Variants in PCDHA9 observed in about 807,000 individuals in gnomAD.
PCDHA9 encodes protocadherin alpha 9.
PCDHA9 carries 62 observed loss-of-function variants against 62.0 expected under a neutral mutation model. The ratio of observed to expected loss-of-function variants is 1.00; its 90% CI spans 0.81 to 1.23. PCDHA9 has a LOEUF of 1.23. Ranked by LOEUF, PCDHA9 falls within the 50% of genes most tolerant of loss-of-function variation. The pLI, the probability that PCDHA9 is intolerant of heterozygous loss-of-function variation, is 0.00. For missense variants in PCDHA9, 1,205 were observed against 1,249.8 expected, an observed-to-expected ratio of 0.96 and a Z score of 0.54; for synonymous variants, 557 against 567.6, an observed-to-expected ratio of 0.98 and a Z score of 0.27.
intron 1 of PCDHA9, chr5:140,877,431 C>A: frequency 1.2e-6 from 2 of 1,613,836 alleles, no homozygotes; most frequent in Non-Finnish European, 1.7e-6. Flanking sequence ...TGGTGAAGGA[C>A]CACGGTGAGC....
At chr5:140,941,381 A>G (rs2093056743) in intron 1 of PCDHA9, among the ~76,000 whole-genome samples, 1 of 128,140 alleles carries the variant, frequency 7.8e-6, no homozygotes, top group Non-Finnish European at 1.6e-5. Context: ...TAGTGACAGG[A>G]TTTTGGCTCA....
At chr5:140,878,725 A>G (rs1230048195) in intron 1 of PCDHA9, among the ~76,000 whole-genome samples, 1 of 152,252 alleles carries the variant, frequency 6.6e-6, no homozygotes, top group African/African-American at 2.4e-5. Flanking sequence ...TAAAATTTCC[A>G]GCCTTATATC....
At chr5:140,853,891 G>T in intron 1 of PCDHA9, 1 of 976,002 alleles carries the variant, frequency 1.0e-6, no homozygotes. Flanking sequence ...AATTTAAAAA[G>T]ATGTGGTGGC....
intron 3 of PCDHA9, chr5:140,989,128 G>T (rs2097330831): frequency 1.3e-5 from 2 of 152,178 alleles, no homozygotes; most frequent in Non-Finnish European, 2.9e-5. Flanking sequence ...AGAAAAATAA[G>T]ACACTTTATC....
intron 1 of PCDHA9, among the ~76,000 whole-genome samples, chr5:140,935,116 C>T (rs2090194943): frequency 6.6e-6 from 1 of 152,126 alleles, no homozygotes; most frequent in Non-Finnish European, 1.5e-5. Flanking sequence ...AGAGCTTTCA[C>T]TTATTTTTAG....
chr5:140,877,463 C>T (rs782373755), intron 1 of PCDHA9: 1 of 1,613,772 alleles, frequency 6.2e-7, no homozygotes, highest in East Asian at 2.2e-5. Flanking sequence ...TCCACGGCCA[C>T]GGTGCTGGTG....
At chr5:141,000,589 A>G (rs1234300694) in intron 3 of PCDHA9, among the ~76,000 whole-genome samples, 3 of 150,422 alleles carry the variant, frequency 2.0e-5, no homozygotes, top group Admixed American at 2.0e-4. Context: ...CACCATGCCC[A>G]GCTAATTTTT....
At chr5:140,984,566 C>T (rs899278255) in intron 3 of PCDHA9, among the ~76,000 whole-genome samples, 4 of 152,124 alleles carry the variant, frequency 2.6e-5, no homozygotes, top group Non-Finnish European at 5.9e-5. Context: ...TCCAACTACT[C>T]CATGGCAACC....
rs1379948594 is a variant in PCDHA9, at chr5:140,982,575, G to A, written c.2542+12G>A. ...CAGTGCAACACCAGGTAAAGAGCTGGGGTCTCTCCATTCTTTCTTGGTTTC... is the reference window on the plus strand; with the variant it reads ...CAGTGCAACACCAGGTAAAGAGCTGAGGTCTCTCCATTCTTTCTTGGTTTC... On this transcript the variant is annotated intron_variant, in intron 3 of 3. Coordinates refer to ENST00000532602, the MANE Select transcript of PCDHA9 (RefSeq NM_031857.2). The A allele has an allele frequency of 6.2e-7, 1 of 1,613,444 alleles. No homozygotes were observed. The highest frequency in any genetic ancestry group is 8.5e-7 in the Non-Finnish European group (1 of 1,179,518).
intron 3 of PCDHA9, among the ~76,000 whole-genome samples, chr5:140,986,987 G>A (rs1269328331): frequency 2.6e-5 from 4 of 152,114 alleles, no homozygotes; most frequent in Non-Finnish European, 4.4e-5. Flanking sequence ...GCCAAGGCAG[G>A]CAGATCACTT....
At chr5:141,003,968 G>A (rs1262948428) in intron 3 of PCDHA9, among the ~76,000 whole-genome samples, 1 of 152,148 alleles carries the variant, frequency 6.6e-6, no homozygotes, top group Non-Finnish European at 1.5e-5. Flanking sequence ...GGAGCATAAG[G>A]GAGGGGACTT....
At chr5:140,881,191 T>C (rs564115136) in intron 1 of PCDHA9, 2 of 170,408 alleles carry the variant, frequency 1.2e-5, no homozygotes, top group African/African-American at 4.8e-5. Context: ...AAAGATATGT[T>C]AACATCTTTG....
At chr5:140,947,153 C>T (rs1306730368) in intron 1 of PCDHA9, among the ~76,000 whole-genome samples, 4 of 150,836 alleles carry the variant, frequency 2.7e-5, no homozygotes, top group African/African-American at 4.9e-5. Context: ...GTTACTTCCA[C>T]GGGGTAGAAA....
chr5:140,862,657 C>T (rs2047475881), intron 1 of PCDHA9: 2 of 545,364 alleles, frequency 3.7e-6, no homozygotes, highest in South Asian at 2.8e-5. Context: ...CGCGCGGGAC[C>T]GGGACGCGCA....
At chr5:140,897,050 G>C (rs1269082503) in intron 1 of PCDHA9, among the ~76,000 whole-genome samples, 1 of 152,014 alleles carries the variant, frequency 6.6e-6, no homozygotes, top group African/African-American at 2.4e-5. Flanking sequence ...CTATTCTGCT[G>C]TCAAATACTA....
chr5:140,874,304 A>G (rs559038069), intron 1 of PCDHA9, among the ~76,000 whole-genome samples: 1 of 152,234 alleles, frequency 6.6e-6, no homozygotes, highest in African/African-American at 2.4e-5. Flanking sequence ...ACTTGTTCAC[A>G]ATGAGTTGTA....
At chr5:140,947,734 C>T (rs2094167568) in intron 1 of PCDHA9, among the ~76,000 whole-genome samples, 1 of 151,286 alleles carries the variant, frequency 6.6e-6, no homozygotes, top group African/African-American at 2.4e-5. Flanking sequence ...TTTTGTAATA[C>T]CTATTCTTAT....
intron 1 of PCDHA9, chr5:140,861,911 G>A (rs1428528633): frequency 1.3e-5 from 2 of 154,368 alleles, no homozygotes; most frequent in East Asian, 1.9e-4. Context: ...ATATATCACA[G>A]CGCTGGATGT....
intron 1 of PCDHA9, chr5:140,853,993 T>A (rs2042933293): frequency 8.2e-6 from 4 of 486,194 alleles, no homozygotes; most frequent in Admixed American, 6.7e-5. Context: ...GTGAGACTCA[T>A]CTCTGCCAAA....
Sources: gnomAD v4.1 joint callset for allele counts (sites outside exome capture counted in the v4.1 genomes callset) on GRCh38, gnomAD v4.1.1 for gene constraint, MANE v1.5 for transcripts, NCBI Gene and HGNC (gene_info 2026-07-23, HGNC 2026-07-21) for gene names.